The following MED25 variants were observed in gnomAD, a reference collection of about 807,000 sequenced individuals.
MED25 encodes the protein mediator of RNA polymerase II transcription subunit 25.
Under a neutral mutation model 89.4 loss-of-function variants are expected in MED25, and 62 were observed. The observed-to-expected ratio is 0.69, with a 90% confidence interval of 0.57 to 0.86. The LOEUF is 0.86. Ranked by LOEUF, MED25 falls within the 40% of genes least tolerant of loss-of-function variation. The probability of loss-of-function intolerance (pLI) is 0.00; values close to 1 mark genes in which losing one functional copy is unlikely to be tolerated. For synonymous variants in MED25, 449 were observed against 427.9 expected, an observed-to-expected ratio of 1.05 and a Z score of -0.61; for missense variants, 905 against 1,005.2, an observed-to-expected ratio of 0.90 and a Z score of 1.35.
Position 49,830,706 on chromosome 19 carries a change from C to G in MED25, c.920C>G (p.Thr307Ser). 1 of 1,614,032 alleles carries G rather than the reference C, an allele frequency of 6.2e-7. No homozygotes were observed. The highest frequency in any genetic ancestry group is 8.5e-7 in the Non-Finnish European group (1 of 1,179,928). Residue 307 changes from threonine (T) to serine (S), a missense_variant, in exon 9 of 18, where the codon ACC (threonine) becomes AGC (serine). Thr to Ser is a moderately conservative substitution (Grantham distance 58). Transcript: ENST00000312865. The surrounding 1 kb of genome is among the most constrained non-coding windows in gnomAD (Gnocchi z 4.6). ...AGLGPRFSPI[T>S]PLQQAAPGVG... is the part of the protein sequence containing the mutation. ...GTCTCTCCCACAGTCTCGCCCATCACCCCTCTCCAACAAGCTGCTCCCGGA... is the reference window on the plus strand; with the variant it reads ...GTCTCTCCCACAGTCTCGCCCATCAGCCCTCTCCAACAAGCTGCTCCCGGA...
intron 3 of MED25, among the ~76,000 whole-genome samples, chr19:49,828,150 A>G (rs1011876454): frequency 1.1e-4 from 16 of 151,254 alleles, no homozygotes; most frequent in Admixed American, 4.6e-4. Context: ...AATGGCATGA[A>G]CCCAGGAAGC....
At position 49,818,398 on chromosome 19, in the gene MED25, G is replaced by A; in HGVS notation, c.57G>A (p.Val19=). 1 of 1,613,818 alleles carries A rather than the reference G, an allele frequency of 6.2e-7. No homozygotes were observed. The highest frequency in any genetic ancestry group is 1.3e-5 in the African/African-American group (1 of 75,056). The part of the protein sequence containing the change: ...ARAGSVVADV[V]FVIEGTANLG... ...CCGGGAGCGTGGTGGCCGACGTGGT[G>A]TTTGTGATTGAGGGTACGGCCAACC... is the stretch of plus-strand genomic sequence containing the variant. Residue 19 remains valine (V), a synonymous_variant, in exon 1 of 18, where the codon GTG becomes GTA. Coordinates refer to ENST00000312865, the MANE Select transcript of MED25 (RefSeq NM_030973.4).
Position 49,830,929 on chromosome 19 carries a change from CTGT to C in MED25, c.1101+43_1101+45del. On this transcript the variant is annotated intron_variant, in intron 9 of 17. Coordinates refer to ENST00000312865, the MANE Select transcript of MED25 (RefSeq NM_030973.4). The surrounding 1 kb of genome is among the most constrained non-coding windows in gnomAD (Gnocchi z 4.6). The stretch of plus-strand genomic sequence containing the variant: ...CTCCTGCCCCTGCTCCTTCCTCCTG[CTGT>C]CCACAGCTAGGACAGTTAGAGGATG... The C allele has an allele frequency of 3.8e-6, 6 of 1,575,182 alleles. No homozygotes were observed. Among genetic ancestry groups the C allele is most frequent in the Non-Finnish European group, 5.2e-6 (6 of 1,155,612 alleles).
At chr19:49,822,856 C>T (rs2073992778) in intron 3 of MED25, among the ~76,000 whole-genome samples, 1 of 151,844 alleles carries the variant, frequency 6.6e-6, no homozygotes, top group Admixed American at 6.6e-5. Flanking sequence ...ACTGTGTTAG[C>T]CGGGATGGTC....
rs372983562 is a variant in MED25 at position 49,828,322 on chromosome 19, G to A, written c.306-127G>A. On this transcript the variant is annotated intron_variant, in intron 3 of 17. Coordinates refer to ENST00000312865, the MANE Select transcript of MED25 (RefSeq NM_030973.4). ...AGGGATTGGGTAGGGAACTCAGCAG[G>A]GTCCCCGTCATCCCAAGGTGCATAG... 29 of 724,312 alleles carry A rather than the reference G, an allele frequency of 4.0e-5. 3 individuals are homozygous for A. Among genetic ancestry groups the A allele is most frequent in the Admixed American group, 2.8e-4 (16 of 56,280 alleles). 44.9% of individuals were successfully genotyped at this position (724,312 alleles called of 1,614,324 possible). A position where few individuals can be genotyped will look rare whatever the true frequency, so the allele number is the denominator to read the frequency against.
In MED25 at chr19:49,836,366, G is replaced by T. The variant is rs2074098310; in HGVS notation, c.2106G>T (p.Gln702His). 1.2e-6 allele frequency: 2 copies of T among 1,607,316 alleles called. No individual in the cohort carries two copies. The highest frequency in any genetic ancestry group is 1.7e-5 in the Admixed American group (1 of 59,442). Reference sequence around the variant, plus strand: ...CACTCCTGCATCCACCACCTGCCCAGTCCTGGCCCGCACAACTTCCCCCTC... The same window carrying T: ...CACTCCTGCATCCACCACCTGCCCATTCCTGGCCCGCACAACTTCCCCCTC... ...GPPLLHPPPA[Q>H]SWPAQLPPRA... Residue 702 changes from glutamine to histidine, a missense_variant, in exon 17 of 18, where the codon CAG becomes CAT. By Grantham distance (24) the Gln-to-His change is conservative. Transcript: ENST00000312865. The surrounding 1 kb of genome is among the most constrained non-coding windows in gnomAD (Gnocchi z 5.1).
At position 49,829,769 on chromosome 19, in the gene MED25, C is replaced by A; in HGVS notation, c.526-17C>A. Reference sequence around the variant, plus strand: ...ATGGAGGGGGCCCGTCATGACTGCTCGGCCCCTCTCCTACAGCGGGGGATC... The same window carrying A: ...ATGGAGGGGGCCCGTCATGACTGCTAGGCCCCTCTCCTACAGCGGGGGATC... On this transcript the variant is annotated splice_polypyrimidine_tract_variant and intron_variant, in intron 5 of 17. Coordinates refer to ENST00000312865, the MANE Select transcript of MED25 (RefSeq NM_030973.4). This position sits in a 1 kb window ranked among gnomAD's most constrained non-coding sequence, Gnocchi z 4.6. 1 of 1,573,774 alleles carries A rather than the reference C, an allele frequency of 6.4e-7. No individual in the cohort carries two copies. Among genetic ancestry groups the A allele is most frequent in the African/African-American group, 1.4e-5 (1 of 73,990 alleles).
Position 49,830,956 on chromosome 19 carries a change from T to G in MED25, c.1101+69T>G. On this transcript the variant is annotated intron_variant, in intron 9 of 17. Coordinates refer to ENST00000312865, the MANE Select transcript of MED25 (RefSeq NM_030973.4). This position sits in a 1 kb window ranked among gnomAD's most constrained non-coding sequence, Gnocchi z 4.6. The stretch of plus-strand genomic sequence containing the variant: ...GTCCACAGCTAGGACAGTTAGAGGA[T>G]GAGTCATTTGCCTTCCAGGGGGATG... The G allele has an allele frequency of 6.7e-7, 1 of 1,492,574 alleles. No individual in the cohort carries two copies. The highest frequency in any genetic ancestry group is 9.2e-7 in the Non-Finnish European group (1 of 1,085,528). The allele number at this position is 1,492,574 out of a possible 1,614,324, so 92.5% of individuals were successfully genotyped here.
At chr19:49,837,066 G>C (rs1302480451), downstream of MED25, 1 of 839,954 alleles carries the variant, frequency 1.2e-6, no homozygotes. Flanking sequence ...CACTTCAGCA[G>C]ACATCCCTGG....
In MED25 at chr19:49,819,285, C is replaced by T. The variant is rs140379422; in HGVS notation, c.294C>T (p.Leu98=). The T allele has an allele frequency of 3.1e-6, 5 of 1,599,742 alleles. No homozygotes were observed. In the Admixed American group the frequency reaches 5.1e-5, roughly 16 times the overall value. Reference sequence around the variant, plus strand: ...GCGCCTATGAGTTTGTCACCTGGCTCGATGGCATTAAGTGAGCTTTCCCCC... The same window carrying T: ...GCGCCTATGAGTTTGTCACCTGGCTTGATGGCATTAAGTGAGCTTTCCCCC... ...TSSAYEFVTW[L]DGIKFMGGGG... Residue 98 remains leucine, a synonymous_variant, in exon 3 of 18, where the codon CTC becomes CTT. Transcript: ENST00000312865.
intron 3 of MED25, among the ~76,000 whole-genome samples, chr19:49,825,823 C>T (rs976214033): frequency 6.6e-6 from 1 of 151,582 alleles, no homozygotes. Flanking sequence ...AAGAGCGAAA[C>T]TCCATCTCAA....
chr19:49,824,125 G>A (rs750890926), intron 3 of MED25, among the ~76,000 whole-genome samples: 35 of 152,160 alleles, frequency 2.3e-4, no homozygotes, highest in Middle Eastern at 3.4e-3. Context: ...AGGAGGCCTC[G>A]GGTAAATTCT....
At position 49,818,371 on chromosome 19, in the gene MED25, C is replaced by T. The variant is rs769859985; in HGVS notation, c.30C>T (p.Arg10=). Residue 10 remains arginine (R), a synonymous_variant, in exon 1 of 18, where the codon CGC becomes CGT. Coordinates refer to ENST00000312865, the MANE Select transcript of MED25 (RefSeq NM_030973.4). ...TCCCCGGGTCCGAGGGCCCGGCCCGCGCCGGGAGCGTGGTGGCCGACGTGG... is the reference window on the plus strand; with the variant it reads ...TCCCCGGGTCCGAGGGCCCGGCCCGTGCCGGGAGCGTGGTGGCCGACGTGG... MVPGSEGPA[R]AGSVVADVVF... is the part of the protein sequence containing the mutation. The T allele has an allele frequency of 3.1e-6, 5 of 1,609,326 alleles. No homozygotes were observed. Among genetic ancestry groups the T allele is most frequent in the South Asian group, 1.1e-5 (1 of 90,748 alleles).
rs370994862 is a variant in MED25, at chr19:49,830,876, G to A, written c.1090G>A (p.Ala364Thr). Residue 364 changes from alanine (A) to threonine (T), a missense_variant, in exon 9 of 18, where the codon GCA (alanine) becomes ACA (threonine). Ala to Thr is a moderately conservative substitution (Grantham distance 58). Coordinates refer to ENST00000312865, the MANE Select transcript of MED25 (RefSeq NM_030973.4). This position sits in a 1 kb window ranked among gnomAD's most constrained non-coding sequence, Gnocchi z 4.6. ...SGLAPTAQPG[A>T]PSMAGTVAPG... ...CCTGGCTCCCACGGCACAGCCCGGG[G>A]CACCGTCCATGGTAGGTGCCTGCAC... is the stretch of plus-strand genomic sequence containing the variant. 43 of 1,608,646 alleles carry A rather than the reference G, an allele frequency of 2.7e-5. No homozygotes were observed. The African/African-American group carries it at 5.5e-4, about 20-fold the overall frequency.
In MED25 at chr19:49,829,745, T is replaced by TATAA. The variant is rs753997196; in HGVS notation, c.526-41_526-40insATAA. ...TTGGGGGCCGGCCCCAACACCCTTA[T>TATAA]GGAGGGGGCCCGTCATGACTGCTCG... On this transcript the variant is annotated intron_variant, in intron 5 of 17. Coordinates refer to ENST00000312865, the MANE Select transcript of MED25 (RefSeq NM_030973.4). The surrounding 1 kb of genome is among the most constrained non-coding windows in gnomAD (Gnocchi z 4.6). 3.9e-6 allele frequency: 6 copies of TATAA among 1,556,692 alleles called. No individual in the cohort carries two copies. Among genetic ancestry groups the TATAA allele is most frequent in the Non-Finnish European group, 5.2e-6 (6 of 1,149,618 alleles).
intron 3 of MED25, among the ~76,000 whole-genome samples, chr19:49,826,440 A>T (rs1393790705): frequency 6.7e-6 from 1 of 149,144 alleles, no homozygotes; most frequent in African/African-American, 2.6e-5. Context: ...AAGAAGGCTC[A>T]GGGGCTCAGT....
chr19:49,837,023 G>T, downstream of MED25: 1 of 1,149,814 alleles, frequency 8.7e-7, no homozygotes, highest in Non-Finnish European at 1.3e-6. Context: ...CTGGGCAGGA[G>T]GAAACCCCAG....
intron 13 of MED25, chr19:49,833,226 C>G (rs1365049947): frequency 6.6e-6 from 1 of 152,414 alleles, no homozygotes; most frequent in Non-Finnish European, 1.5e-5. Context: ...CCTGCCTCAG[C>G]CTCCCAAGTA....
In MED25 at chr19:49,819,282, G is replaced by C; in HGVS notation, c.291G>C (p.Trp97Cys). 6.2e-7 allele frequency: 1 copy of C among 1,608,926 alleles called. No homozygotes were observed. Among genetic ancestry groups the C allele is most frequent in the Non-Finnish European group, 8.5e-7 (1 of 1,178,278 alleles). The change falls in exon 3 of 18, where the codon TGG becomes TGC. Residue 97 changes from tryptophan to cysteine, a missense_variant. By Grantham distance (215) the Trp-to-Cys change is radical (BLOSUM62 -2). This residue lies in a region of MED25 where 501 missense variants were observed against 526.9 expected (regional missense o/e 0.95). Coordinates refer to ENST00000312865, the MANE Select transcript of MED25 (RefSeq NM_030973.4). ...GCAGCGCCTATGAGTTTGTCACCTG[G>C]CTCGATGGCATTAAGTGAGCTTTCC... Reference protein sequence around the residue: ...PTSSAYEFVTWLDGIKFMGGG... With the variant: ...PTSSAYEFVTCLDGIKFMGGG...
Sources: gnomAD v4.1 joint callset for allele counts (sites outside exome capture counted in the v4.1 genomes callset) on GRCh38, gnomAD v4.1.1 for gene constraint, gnomAD v4.1.1 regional missense constraint, Gnocchi (gnomAD v3.1) non-coding constraint, MANE v1.5 for transcripts, NCBI Gene and HGNC (gene_info 2026-07-23, HGNC 2026-07-21) for gene names.